Variants in SYT1 observed in about 807,000 individuals in gnomAD.
The protein encoded by SYT1 is synaptotagmin 1, also known as synaptotagmin-1.
A neutral mutation model predicts 44.8 loss-of-function variants in SYT1; 8 were observed. That is an observed-to-expected ratio of 0.18 (90% CI 0.10 to 0.32). The LOEUF is 0.32. Among genes scored for constraint, SYT1 ranks in the 10% least tolerant of loss-of-function variants. The probability of loss-of-function intolerance (pLI) is 1.00; values close to 1 mark genes in which losing one functional copy is unlikely to be tolerated. For synonymous variants in SYT1, 154 were observed against 188.8 expected (o/e 0.82, Z 1.51); for missense variants, 286 against 509.3 (o/e 0.56, Z 4.22).
At chr12:79,137,429 T>C (rs1358101180) in intron 3 of SYT1, among the ~76,000 whole-genome samples, 1 of 152,038 alleles carries the variant, frequency 6.6e-6, no homozygotes, top group African/African-American at 2.4e-5. Context: ...TTATATCTAT[T>C]ATCTCATTAA....
intron 5 of SYT1, among the ~76,000 whole-genome samples, chr12:79,286,817 A>G (rs1205955460): frequency 1.3e-5 from 2 of 152,148 alleles, no homozygotes; most frequent in African/African-American, 4.8e-5. Context: ...AGAATATTTA[A>G]TTCATATTTT....
At chr12:78,927,484 A>G (rs1469181095) in intron 1 of SYT1, among the ~76,000 whole-genome samples, 1 of 152,112 alleles carries the variant, frequency 6.6e-6, no homozygotes, top group Admixed American at 6.6e-5. Context: ...GTTATGAGAT[A>G]TGTCCCATTC....
At chr12:79,197,703 G>C (rs898765692) in intron 3 of SYT1, among the ~76,000 whole-genome samples, 5 of 152,084 alleles carry the variant, frequency 3.3e-5, no homozygotes, top group Non-Finnish European at 5.9e-5. Flanking sequence ...ATCCTGATCA[G>C]TTTCACATTA....
chr12:79,110,375 T>C (rs1306038686), intron 3 of SYT1, among the ~76,000 whole-genome samples: 1 of 152,186 alleles, frequency 6.6e-6, no homozygotes, highest in African/African-American at 2.4e-5. Context: ...TATGGAGCAA[T>C]TTATGAATAG....
intron 8 of SYT1, among the ~76,000 whole-genome samples, chr12:79,349,636 A>G (rs1291981631): frequency 6.6e-6 from 1 of 152,192 alleles, no homozygotes; most frequent in Non-Finnish European, 1.5e-5. Context: ...AAAATTGTCA[A>G]GGAGCAGCAA....
chr12:78,876,795 AATAT>A (rs1358853178), intron 1 of SYT1, among the ~76,000 whole-genome samples: 4 of 27,154 alleles, frequency 1.5e-4, no homozygotes, highest in Non-Finnish European at 2.5e-4. Context: ...TAATACATAT[AATAT>A]ATTATATGTA....
chr12:79,072,346 A>G (rs1359171813), intron 3 of SYT1, among the ~76,000 whole-genome samples: 2 of 151,630 alleles, frequency 1.3e-5, no homozygotes, highest in South Asian at 4.1e-4. Flanking sequence ...GGAGTATTAA[A>G]TGACATCCTG....
At chr12:79,274,447 C>T (rs1363185836) in intron 4 of SYT1, among the ~76,000 whole-genome samples, 1 of 152,206 alleles carries the variant, frequency 6.6e-6, no homozygotes, top group Non-Finnish European at 1.5e-5. Context: ...CCCTCTCTTC[C>T]TGTGCAGACT....
intron 3 of SYT1, among the ~76,000 whole-genome samples, chr12:79,132,135 G>A (rs918254243): frequency 2.0e-5 from 3 of 151,994 alleles, no homozygotes; most frequent in African/African-American, 7.3e-5. Context: ...GTATGCAAAG[G>A]ACTAAATAAA....
chr12:79,127,032 T>A (rs1418857639), intron 3 of SYT1, among the ~76,000 whole-genome samples: 1 of 152,216 alleles, frequency 6.6e-6, no homozygotes, highest in Non-Finnish European at 1.5e-5. Context: ...TCTCTCAGCA[T>A]CTAGTCTATT....
intron 4 of SYT1, among the ~76,000 whole-genome samples, chr12:79,224,550 G>T (rs1375083037): frequency 1.3e-5 from 2 of 151,912 alleles, no homozygotes; most frequent in Non-Finnish European, 2.9e-5. Context: ...AGCCCAGTGT[G>T]CCTTAAGTAG....
At chr12:79,405,152 A>C (rs760943263) in intron 9 of SYT1, among the ~76,000 whole-genome samples, 6 of 152,182 alleles carry the variant, frequency 3.9e-5, no homozygotes, top group Non-Finnish European at 7.4e-5. Context: ...GCATTTTCTA[A>C]AGTATTGGAG....
Position 79,190,178 on chromosome 12 carries a change from C to T in SYT1, c.-17-27325C>T, listed in dbSNP as rs117687146. Among the ~76,000 whole-genome samples, 728 of 152,116 alleles carry T rather than the reference C, an allele frequency of 4.8e-3. 1 individual carries two copies. The highest frequency in any genetic ancestry group is 0.011 in the African/African-American group (477 of 41,522). ...TATCTGATTTATATTTCTTCTTTTC[C>T]GAACTTGCCAGAGAATTTTAGAACA... On this transcript the variant is annotated intron_variant, in intron 3 of 10. Transcript: ENST00000261205.
chr12:78,881,402 G>C (rs1172172126), intron 1 of SYT1, among the ~76,000 whole-genome samples: 1 of 151,494 alleles, frequency 6.6e-6, no homozygotes, highest in East Asian at 2.0e-4. Context: ...TAGGATTATT[G>C]TTCATAGAGC....
intron 5 of SYT1, among the ~76,000 whole-genome samples, chr12:79,289,868 A>G (rs1238545511): frequency 6.6e-6 from 1 of 150,758 alleles, no homozygotes; most frequent in Non-Finnish European, 1.5e-5. Context: ...CACTGCCTGA[A>G]GTTCTCTAAT....
chr12:78,973,623 A>G (rs1868534478), intron 1 of SYT1, among the ~76,000 whole-genome samples: 1 of 152,070 alleles, frequency 6.6e-6, no homozygotes, highest in Non-Finnish European at 1.5e-5. Flanking sequence ...TTAATGACAA[A>G]CAACCAGGAA....
At chr12:78,944,437 A>T (rs927596841) in intron 1 of SYT1, among the ~76,000 whole-genome samples, 1 of 152,052 alleles carries the variant, frequency 6.6e-6, no homozygotes, top group Non-Finnish European at 1.5e-5. Context: ...GCCTCAGGAC[A>T]TTAATTTTAT....
Position 79,296,307 on chromosome 12 carries a change from A to G in SYT1, c.642+71A>G, listed in dbSNP as rs1313491922. Reference sequence around the variant, plus strand: ...TAAAAGACTGATCTCATCCTGACACATACATAGACATGCACATGAATGCTT... The same window carrying G: ...TAAAAGACTGATCTCATCCTGACACGTACATAGACATGCACATGAATGCTT... On this transcript the variant is annotated intron_variant, in intron 7 of 10. Transcript: ENST00000261205. The G allele has an allele frequency of 3.5e-6, 5 of 1,442,760 alleles. No homozygotes were observed. In the East Asian group the frequency reaches 1.2e-4, roughly 34 times the overall value. The allele number at this position is 1,442,760 out of a possible 1,614,324, so 89.4% of individuals were successfully genotyped here.
At chr12:79,053,709 A>G (rs1874713888) in intron 3 of SYT1, among the ~76,000 whole-genome samples, 1 of 151,132 alleles carries the variant, frequency 6.6e-6, no homozygotes, top group Non-Finnish European at 1.5e-5. Context: ...AACAAACAAT[A>G]AGTATTATTA....
Sources: allele counts gnomAD v4.1 joint callset (sites outside exome capture counted in the v4.1 genomes callset), GRCh38; gene constraint gnomAD v4.1.1; transcripts MANE v1.5; gene names NCBI Gene and HGNC (gene_info 2026-07-23, HGNC 2026-07-21).